CDKL5: variants seen among roughly 807,000 people sequenced by gnomAD.
CDKL5 encodes cyclin-dependent kinase-like 5.
Under a neutral mutation model 61.7 loss-of-function variants are expected in CDKL5, and 8 were observed. The ratio of observed to expected loss-of-function variants is 0.13; its 90% confidence interval spans 0.08 to 0.23. The LOEUF (loss-of-function observed/expected upper bound fraction) is 0.23. CDKL5 is among the 10% of genes least tolerant of loss of function. The pLI is 1.00. For missense variants in CDKL5, 440 were observed against 734.5 expected, an observed-to-expected ratio of 0.60 and a Z score of 4.63; for synonymous variants, 275 against 272.3, an observed-to-expected ratio of 1.01 and a Z score of -0.10.
rs184683218 is a variant in CDKL5 at position 18,448,458 on chromosome X, G to C, written c.-163+22763G>C. Among the ~76,000 whole-genome samples, 31 of 111,961 alleles carry C rather than the reference G, an allele frequency of 2.8e-4. 2 individuals carry two copies. The Admixed American group carries it at 2.9e-3, about 10-fold the overall frequency. ...ATACGCTATGCTCCGGCACGTATAG[G>C]TTCCTATACAATTTTGTTTCATACT... On this transcript the variant is annotated intron_variant, in intron 1 of 17. Coordinates refer to ENST00000623535, the MANE Select transcript of CDKL5 (RefSeq NM_001323289.2).
intron 11 of CDKL5, among the ~76,000 whole-genome samples, chrX:18,601,546 G>A (rs1321148824): frequency 3.6e-5 from 4 of 112,151 alleles, no homozygotes; most frequent in Non-Finnish European, 3.8e-5. Context: ...GCAGAGCTCC[G>A]ATGCAAAGGG....
At chrX:18,493,078 A>G (rs1401872274) in intron 1 of CDKL5, among the ~76,000 whole-genome samples, 1 of 111,153 alleles carries the variant, frequency 9.0e-6, no homozygotes, top group Non-Finnish European at 1.9e-5. Context: ...TTTAGCATAA[A>G]TTATTTTCTC....
At chrX:18,484,444 A>C (rs749488536) in intron 1 of CDKL5, among the ~76,000 whole-genome samples, 32 of 109,901 alleles carry the variant, frequency 2.9e-4, no homozygotes, top group African/African-American at 1.0e-3. Flanking sequence ...CAGCCTCCTG[A>C]GTAGCTGGGA....
At chrX:18,508,000 A>G (rs2067291893) in intron 2 of CDKL5, among the ~76,000 whole-genome samples, 1 of 111,430 alleles carries the variant, frequency 9.0e-6, no homozygotes, top group South Asian at 3.8e-4. Flanking sequence ...ATGAAATATG[A>G]TGTCATTTTG....
chrX:18,497,887 G>A (rs1289886124), intron 1 of CDKL5, among the ~76,000 whole-genome samples: 4 of 107,895 alleles, frequency 3.7e-5, no homozygotes, highest in African/African-American at 1.4e-4. Flanking sequence ...GCACAATCAC[G>A]GCTCACCGCA....
chrX:18,500,333 T>C (rs1485006480), intron 1 of CDKL5, among the ~76,000 whole-genome samples: 1 of 111,970 alleles, frequency 8.9e-6, no homozygotes. Flanking sequence ...TTTTGAAATA[T>C]ACAATAAATT....
In CDKL5 at chrX:18,630,662, A is replaced by G. The variant is rs1927207652; in HGVS notation, c.*1905A>G. The G allele has an allele frequency of 1.3e-6, 1 of 741,732 alleles. No homozygotes were observed. Among genetic ancestry groups the G allele is most frequent in the African/African-American group, 2.3e-5 (1 of 43,418 alleles). The allele number at this position is 741,732 out of a possible 1,213,427, so 61.1% of individuals were successfully genotyped here. A position where few individuals can be genotyped will look rare whatever the true frequency, so the allele number is the denominator to read the frequency against. On this transcript the variant is annotated 3_prime_UTR_variant, in exon 18 of 18. Transcript: ENST00000623535. ...TGTGTATTGATTATATAGATAGGTC[A>G]TTTTAAGGTGCTTTTTATTTAATTT...
chrX:18,538,017 T>C (rs1923902291), intron 3 of CDKL5, among the ~76,000 whole-genome samples: 1 of 112,081 alleles, frequency 8.9e-6, no homozygotes, highest in Non-Finnish European at 1.9e-5. Context: ...AACTGGTGTA[T>C]ACTTTTCCAG....
intron 21 of CDKL5, among the ~76,000 whole-genome samples, chrX:18,653,031 T>C (rs1024821861): frequency 8.9e-5 from 10 of 112,429 alleles, no homozygotes; most frequent in Non-Finnish European, 1.9e-4. Flanking sequence ...CAGATGTGAA[T>C]AGTGTTATGC....
At chrX:18,452,833 T>G (rs1168670175) in intron 1 of CDKL5, among the ~76,000 whole-genome samples, 2 of 80,820 alleles carry the variant, frequency 2.5e-5, no homozygotes, top group Non-Finnish European at 4.9e-5. Flanking sequence ...TTTTTTTTTT[T>G]TTTTTTTTTT....
At chrX:18,509,197 G>GCACGCGCGCGCGCGCGCACACACA (rs1204561636) in intron 2 of CDKL5, among the ~76,000 whole-genome samples, 1 of 64,313 alleles carries the variant, frequency 1.6e-5, no homozygotes, top group African/African-American at 5.9e-5. Context: ...CTCAAAACAC[G>GCACGCGCGCGCGCGCGCACACACA]CACACACACA....
rs1425456376 is a variant in CDKL5 at position 18,553,452 on chromosome X, TTGTGTGTGTGTGCGTGTGTGTGTGTG to T, written c.100-11012_100-10987del. 1.8e-4 allele frequency among the ~76,000 whole-genome samples: 18 copies of T among 102,413 alleles called. No homozygotes were observed. The East Asian group carries it at 5.5e-3, about 31-fold the overall frequency. 88.9% of individuals were successfully genotyped at this position (102,413 alleles called of 115,157 possible). On this transcript the variant is annotated intron_variant, in intron 3 of 17. Coordinates refer to ENST00000623535, the MANE Select transcript of CDKL5 (RefSeq NM_001323289.2). ...TATCACTGACTTGGCTTGAAGGCAG[TTGTGTGTGTGTGCGTGTGTGTGTGTG>T]TGTGTGTGTGTGTGTGTGTGTGTGT...
intron 1 of CDKL5, among the ~76,000 whole-genome samples, chrX:18,456,340 C>T (rs1157367722): frequency 9.0e-6 from 1 of 111,707 alleles, no homozygotes; most frequent in Non-Finnish European, 1.9e-5. Context: ...GCCCGCCCGT[C>T]ACAACCCAAC....
At chrX:18,490,604 A>G (rs777076088) in intron 1 of CDKL5, among the ~76,000 whole-genome samples, 3 of 111,725 alleles carry the variant, frequency 2.7e-5, no homozygotes, top group South Asian at 7.5e-4. Flanking sequence ...TCTTAACCAT[A>G]TCTTTTTAAA....
chrX:18,649,608 G>A (rs1423154708), intron 20 of CDKL5, among the ~76,000 whole-genome samples: 1 of 111,416 alleles, frequency 9.0e-6, no homozygotes, highest in Non-Finnish European at 1.9e-5. Context: ...TGAGGGTGAG[G>A]GCACAGAATT....
chrX:18,432,384 C>A (rs769699381), intron 1 of CDKL5, among the ~76,000 whole-genome samples: 2 of 109,283 alleles, frequency 1.8e-5, no homozygotes, highest in Non-Finnish European at 3.8e-5. Flanking sequence ...AGGCATGAGC[C>A]ATCATGCCTG....
chrX:18,564,112 TA>T (rs773369047), intron 3 of CDKL5, among the ~76,000 whole-genome samples: 3 of 111,726 alleles, frequency 2.7e-5, no homozygotes, highest in South Asian at 7.5e-4. Context: ...GAAGGCCAAT[TA>T]AAATGTGTCT....
chrX:18,642,718 C>T (rs191442574), downstream of CDKL5, among the ~76,000 whole-genome samples: 3 of 112,526 alleles, frequency 2.7e-5, no homozygotes, highest in Admixed American at 2.8e-4. Flanking sequence ...GAGTACCTTT[C>T]CAACTTGGAA....
chrX:18,546,283 C>T (rs1234011855), intron 3 of CDKL5, among the ~76,000 whole-genome samples: 1 of 83,822 alleles, frequency 1.2e-5, no homozygotes, highest in Non-Finnish European at 2.2e-5. Context: ...TTTTTTGAGA[C>T]AGAGTTTCCC....
Sources: gnomAD v4.1 joint callset for allele counts (sites outside exome capture counted in the v4.1 genomes callset) on GRCh38, gnomAD v4.1.1 for gene constraint, MANE v1.5 for transcripts, NCBI Gene and HGNC (gene_info 2026-07-23, HGNC 2026-07-21) for gene names.